The following GATAD1 variants were observed in gnomAD, a reference collection of about 807,000 sequenced individuals.
The protein encoded by GATAD1 is GATA zinc finger domain containing 1, also known as GATA zinc finger domain-containing protein 1.
Under a neutral mutation model 26.5 loss-of-function variants are expected in GATAD1, and 12 were observed. That is an observed-to-expected ratio of 0.45 (90% CI 0.29 to 0.73). The LOEUF is 0.73. Among genes scored for constraint, GATAD1 ranks in the 30% least tolerant of loss-of-function variants. The pLI is 0.10. For synonymous variants in GATAD1, 129 were observed against 133.1 expected, an observed-to-expected ratio of 0.97 and a Z score of 0.21; for missense variants, 266 against 342.1, an observed-to-expected ratio of 0.78 and a Z score of 1.75.
downstream of GATAD1, among the ~76,000 whole-genome samples, chr7:92,460,957 A>G (rs900047294): frequency 6.6e-6 from 1 of 152,176 alleles, no homozygotes; most frequent in African/African-American, 2.4e-5. Flanking sequence ...GTTTGTTTGC[A>G]TAAGTGCCCA....
chr7:92,479,705 C>T, the GATAD1 span, among the ~76,000 whole-genome samples: 4 of 151,886 alleles, frequency 2.6e-5, no homozygotes, highest in East Asian at 1.9e-4. Context: ...AGGGCTGCTT[C>T]GAGAGGGATT....
chr7:92,486,752 CT>C, the GATAD1 span, among the ~76,000 whole-genome samples: 7,570 of 152,086 alleles, frequency 0.05, 248 homozygotes, highest in Non-Finnish European at 0.076. Flanking sequence ...TTGCTGTTCC[CT>C]TACCCCATTA....
chr7:92,469,970 G>T, the GATAD1 span: 1 of 773,520 alleles, frequency 1.3e-6, no homozygotes, highest in Admixed American at 1.7e-5. Context: ...CCATGTACCC[G>T]GGTGAGTTGG....
chr7:92,486,661 A>G, the GATAD1 span, among the ~76,000 whole-genome samples: 1 of 152,040 alleles, frequency 6.6e-6, no homozygotes, highest in African/African-American at 2.4e-5. Context: ...ACCATCATGC[A>G]TGGCTAATTT....
rs759247482 is a variant in GATAD1 at position 92,456,433 on chromosome 7, T to A, written c.681T>A (p.Ser227=). 4.3e-6 allele frequency: 7 copies of A among 1,612,908 alleles called. No homozygotes were observed. The African/African-American group carries it at 9.3e-5, about 22-fold the overall frequency. ...TGGAATTTGTTTGTCATGCACCTTC[T>A]GAGTATTTCAAGTCACGGTCATCAC... is the stretch of plus-strand genomic sequence containing the variant. ...EYLEFVCHAP[S]EYFKSRSSPF... is the part of the protein sequence containing the mutation. The change falls in exon 5 of 5, where the codon TCT becomes TCA. Residue 227 remains serine (S), a synonymous_variant. Coordinates refer to ENST00000287957, the MANE Select transcript of GATAD1 (RefSeq NM_021167.5).
At chr7:92,480,735 C>T in the GATAD1 span, among the ~76,000 whole-genome samples, 47,759 of 152,052 alleles carry the variant, frequency 0.31, 9,799 homozygotes, top group Non-Finnish European at 0.46. Context: ...GAAGTTGGAA[C>T]GCTAGGTGCT....
At chr7:92,470,267 A>G in the GATAD1 span, 6 of 778,636 alleles carry the variant, frequency 7.7e-6, no homozygotes, top group African/African-American at 1.7e-5. Flanking sequence ...TGCATTCTCC[A>G]TAGAAACTCT....
the GATAD1 span, among the ~76,000 whole-genome samples, chr7:92,479,063 C>A: frequency 6.6e-6 from 1 of 152,218 alleles, no homozygotes; most frequent in African/African-American, 2.4e-5. Context: ...CACTTTTCCA[C>A]TGCACATGGG....
Position 92,458,127 on chromosome 7 carries a change from A to G in GATAD1, c.*1565A>G, listed in dbSNP as rs1479188971. On this transcript the variant is annotated 3_prime_UTR_variant, in exon 5 of 5. Coordinates refer to ENST00000287957, the MANE Select transcript of GATAD1 (RefSeq NM_021167.5). ...ACTCCAGCCTGGGTGATAGAGCAAGACTGTCTCAAAAAAGAAAAAAAAGAA... is the reference window on the plus strand; with the variant it reads ...ACTCCAGCCTGGGTGATAGAGCAAGGCTGTCTCAAAAAAGAAAAAAAAGAA... The G allele has an allele frequency of 6.6e-6, 1 of 152,186 alleles. No homozygotes were observed. The highest frequency in any genetic ancestry group is 1.5e-5 in the Non-Finnish European group (1 of 68,062). 9.4% of individuals were successfully genotyped at this position (152,186 alleles called of 1,614,324 possible). A position where few individuals can be genotyped will look rare whatever the true frequency, so the allele number is the denominator to read the frequency against.
At chr7:92,480,902 G>C in the GATAD1 span, among the ~76,000 whole-genome samples, 13 of 152,112 alleles carry the variant, frequency 8.5e-5, no homozygotes, top group South Asian at 1.5e-3. Flanking sequence ...GGACCCTTGC[G>C]TAGTGAGGAA....
chr7:92,488,879 A>G, the GATAD1 span, among the ~76,000 whole-genome samples: 138,466 of 152,036 alleles, frequency 0.91, 63,093 homozygotes, highest in East Asian at 0.97. Context: ...GACTACAGGC[A>G]CATGCCACCA....
At chr7:92,485,844 C>G in the GATAD1 span, among the ~76,000 whole-genome samples, 1 of 152,128 alleles carries the variant, frequency 6.6e-6, no homozygotes, top group Non-Finnish European at 1.5e-5. Flanking sequence ...AATAACATAA[C>G]CAGATGACCA....
the GATAD1 span, among the ~76,000 whole-genome samples, chr7:92,485,575 G>T: frequency 6.6e-6 from 1 of 152,144 alleles, no homozygotes; most frequent in African/African-American, 2.4e-5. Flanking sequence ...TTCTTCACAG[G>T]ATCCAAGGGC....
the GATAD1 span, among the ~76,000 whole-genome samples, chr7:92,475,459 TTGCAGTCC>T: frequency 6.6e-6 from 1 of 152,194 alleles, no homozygotes; most frequent in Non-Finnish European, 1.5e-5. Flanking sequence ...CTCACTGATG[TTGCAGTCC>T]TGCACCTGTT....
Position 92,452,384 on chromosome 7 carries a change from T to C in GATAD1, c.435+1624T>C, listed in dbSNP as rs184388066. On this transcript the variant is annotated intron_variant, in intron 3 of 4. Transcript: ENST00000287957. ...GCAGTGCCACTGGCAGGCAGCACCA[T>C]GGTGGCAAGTTCAAGAGGTCACTGC... 2.0e-5 allele frequency among the ~76,000 whole-genome samples: 3 copies of C among 152,342 alleles called. No homozygotes were observed. In the East Asian group the frequency reaches 5.8e-4, roughly 29 times the overall value.
the GATAD1 span, chr7:92,470,228 A>G: frequency 1.3e-6 from 1 of 778,700 alleles, no homozygotes; most frequent in Admixed American, 1.7e-5. Flanking sequence ...AGACTCCTAT[A>G]CGATGGGGCA....
chr7:92,491,267 G>T, the GATAD1 span: 2 of 1,563,412 alleles, frequency 1.3e-6, no homozygotes, highest in Non-Finnish European at 1.8e-6. Context: ...GACTGCACAA[G>T]ATACCAAATC....
rs1789731253 is a variant in GATAD1, at chr7:92,457,513, T to TC, written c.*951_*952insC. On this transcript the variant is annotated 3_prime_UTR_variant, in exon 5 of 5. Coordinates refer to ENST00000287957, the MANE Select transcript of GATAD1 (RefSeq NM_021167.5). ...AGGGATAGAATATAATGAAATATAT[T>TC]TTGAACTTAAATTATATTCTATATG... is the stretch of plus-strand genomic sequence containing the variant. 1 of 152,148 alleles carries TC rather than the reference T, an allele frequency of 6.6e-6. No homozygotes were observed. The highest frequency in any genetic ancestry group is 2.4e-5 in the African/African-American group (1 of 41,422). 9.4% of individuals were successfully genotyped at this position (152,148 alleles called of 1,614,324 possible).
chr7:92,471,622 A>T, the GATAD1 span: 1 of 152,112 alleles, frequency 6.6e-6, no homozygotes, highest in African/African-American at 2.4e-5. Flanking sequence ...AGCATTTCTA[A>T]TGGAGGGTCC....
Sources: gnomAD v4.1 joint callset for allele counts (sites outside exome capture counted in the v4.1 genomes callset) on GRCh38, gnomAD v4.1.1 for gene constraint, MANE v1.5 for transcripts, NCBI Gene and HGNC (gene_info 2026-07-23, HGNC 2026-07-21) for gene names.